NOTCH3: variants seen among roughly 807,000 people sequenced by gnomAD.
NOTCH3 encodes neurogenic locus notch homolog protein 3.
A neutral mutation model predicts 213.3 loss-of-function variants in NOTCH3; 86 were observed. The ratio of observed to expected loss-of-function variants is 0.40; its 90% CI spans 0.34 to 0.48. The LOEUF is 0.48. Ranked by LOEUF, NOTCH3 falls within the 20% of genes least tolerant of loss-of-function variation. The pLI is 0.57. For missense variants in NOTCH3, 2,783 were observed against 3,272.6 expected (o/e 0.85, Z 3.65); for synonymous variants, 1,354 against 1,355.9 (o/e 1.00, Z 0.03).
intron 24 of NOTCH3, 48 bp downstream of exon 24, chr19:15,177,476 AC>A (rs1319402052): frequency 2.6e-6 from 4 of 1,548,690 alleles, no homozygotes; most frequent in Non-Finnish European, 3.5e-6. Flanking sequence ...GGACAAACAG[AC>A]TGGGATGGAT....
At chr19:15,176,332 C>A (rs1351928385) in intron 24 of NOTCH3, among the ~76,000 whole-genome samples, 2 of 151,960 alleles carry the variant, frequency 1.3e-5, no homozygotes, top group Non-Finnish European at 2.9e-5. Flanking sequence ...CCACACCCGG[C>A]TAATTTTGTA....
In NOTCH3 at chr19:15,161,688, G is replaced by A. The variant is rs2046645282; in HGVS notation, c.5940C>T (p.Ala1980=). 1 of 1,613,904 alleles carries A rather than the reference G, an allele frequency of 6.2e-7. No homozygotes were observed. Among genetic ancestry groups the A allele is most frequent in the South Asian group, 1.1e-5 (1 of 91,026 alleles). Residue 1980 remains alanine, a synonymous_variant, in exon 33 of 33, where the codon GCC becomes GCT. Coordinates refer to ENST00000263388, the MANE Select transcript of NOTCH3 (RefSeq NM_000435.3). The stretch of plus-strand genomic sequence containing the variant: ...TGGCAGCCTCATAGCTGCCCTCGCG[G>A]GCGGCCAGGAATAGGGGGGTCTCCT... ...SKEETPLFLA[A]REGSYEAAKL...
rs1257835251 is a variant in NOTCH3, at chr19:15,179,097, C to T, written c.3646G>A (p.Ala1216Thr). Reference protein sequence around the residue: ...INECRSGACHAAHTRDCLQDP... With the variant: ...INECRSGACHTAHTRDCLQDP... ...TGCAGGCAGTCCCGGGTGTGTGCCGCGTGGCAGGCACCTGAGCGACACTCA... is the reference window on the plus strand; with the variant it reads ...TGCAGGCAGTCCCGGGTGTGTGCCGTGTGGCAGGCACCTGAGCGACACTCA... Residue 1216 changes from alanine (A) to threonine (T), a missense_variant, in exon 22 of 33, where the codon GCG (alanine) becomes ACG (threonine). Coordinates refer to ENST00000263388, the MANE Select transcript of NOTCH3 (RefSeq NM_000435.3). 22 of 1,614,090 alleles carry T rather than the reference C, an allele frequency of 1.4e-5. No homozygotes were observed. The South Asian group carries it at 1.9e-4, about 14-fold the overall frequency.
intron 24 of NOTCH3, among the ~76,000 whole-genome samples, chr19:15,174,684 C>T (rs2046773323): frequency 6.6e-6 from 1 of 152,102 alleles, no homozygotes; most frequent in African/African-American, 2.4e-5. Flanking sequence ...AGCGATTCTC[C>T]CGCCTCAGCC....
At position 15,181,675 on chromosome 19, in the gene NOTCH3, G is replaced by T. The variant is rs1183144753; in HGVS notation, c.2693C>A (p.Pro898Gln). The part of the protein sequence containing the change: ...VDECLSNPCG[P>Q]GTCTDHVASF... ...GGCCACGTGGTCGGTACAGGTGCCC[G>T]GGCCGCAGGGGTTGCTCAGGCACTC... The change falls in exon 17 of 33, where the codon CCG (proline) becomes CAG (glutamine). Residue 898 changes from proline to glutamine, a missense_variant. Around this residue, in one of 6 missense-constraint regions of NOTCH3, gnomAD observed 861 missense variants for 909.1 expected, o/e 0.95. Coordinates refer to ENST00000263388, the MANE Select transcript of NOTCH3 (RefSeq NM_000435.3). The T allele has an allele frequency of 1.3e-6, 2 of 1,555,654 alleles. No individual in the cohort carries two copies. The highest frequency in any genetic ancestry group is 2.4e-5 in the South Asian group (2 of 84,426).
intron 2 of NOTCH3, 58 bp downstream of exon 2, chr19:15,197,442 C>CGCCG: frequency 9.7e-6 from 6 of 620,828 alleles, no homozygotes; most frequent in Non-Finnish European, 1.5e-5. Flanking sequence ...AGACAAATCG[C>CGCCG]CCCTCCCCCC....
chr19:15,191,502 T>C lies in NOTCH3; in HGVS notation c.958A>G (p.Thr320Ala), dbSNP rs2046926401. Residue 320 changes from threonine to alanine, a missense_variant, in exon 6 of 33, where the codon ACA (threonine) becomes GCA (alanine). Thr to Ala is a moderately conservative substitution (Grantham distance 58). Transcript: ENST00000263388. ...SCSQNIDDCA[T>A]AVCFHGATCH... ...GTGGCCCCATGGAAGCACACGGCTGTGGCACAGTCATCGATATTCTGACTG... is the reference window on the plus strand; with the variant it reads ...GTGGCCCCATGGAAGCACACGGCTGCGGCACAGTCATCGATATTCTGACTG... 1 of 1,613,104 alleles carries C rather than the reference T, an allele frequency of 6.2e-7. No individual in the cohort carries two copies. Among genetic ancestry groups the C allele is most frequent in the African/African-American group, 1.3e-5 (1 of 74,940 alleles).
chr19:15,171,375 G>A (rs1338452510), intron 25 of NOTCH3, among the ~76,000 whole-genome samples: 2 of 151,814 alleles, frequency 1.3e-5, no homozygotes, highest in African/African-American at 4.8e-5. Context: ...TTTTTGAGAC[G>A]GTTTCACTCT....
At position 15,197,576 on chromosome 19, in the gene NOTCH3, G is replaced by T. The variant is rs2046978928; in HGVS notation, c.121C>A (p.Pro41Thr). ...CACGGGCTTCCGTCCAGGCAAGGGG[G>T]GGCTGTGTGGGGGTGAAGGAAGGTG... ...LLLAGPGAAA[P>T]PCLDGSPCAN... The change falls in exon 2 of 33, where the codon CCC (proline) becomes ACC (threonine). Residue 41 changes from proline (P) to threonine (T), a missense_variant and splice_region_variant. Coordinates refer to ENST00000263388, the MANE Select transcript of NOTCH3 (RefSeq NM_000435.3). 1.9e-6 allele frequency: 3 copies of T among 1,611,414 alleles called. No individual in the cohort carries two copies. The highest frequency in any genetic ancestry group is 4.5e-5 in the East Asian group (2 of 44,868).
At chr19:15,187,378 G>T in intron 10 of NOTCH3, 40 bp from the exon 11 acceptor site, 1 of 1,580,902 alleles carries the variant, frequency 6.3e-7, no homozygotes. Context: ...CACTTGCCAG[G>T]GGCCTGCCCA....
intron 25 of NOTCH3, among the ~76,000 whole-genome samples, chr19:15,173,437 A>AAT (rs1225952139): frequency 6.8e-6 from 1 of 147,766 alleles, no homozygotes; most frequent in African/African-American, 2.5e-5. Context: ...AAAAAAAAAA[A>AAT]AAAAAGAGAG....
chr19:15,189,622 G>T (rs2046912810), intron 6 of NOTCH3, among the ~76,000 whole-genome samples, 194 bp from the exon 7 acceptor site: 1 of 152,136 alleles, frequency 6.6e-6, no homozygotes, highest in Non-Finnish European at 1.5e-5. Context: ...AGGTTCAAGC[G>T]ATTCTCCTGC....
rs1251282986 is a variant in NOTCH3 at position 15,184,311 on chromosome 19, GA to G, written c.2549del (p.Ile850ThrfsTer10). ...TGCACTCACTGGGGTCACAGTCATT[GA>G]TGTCCTGATCGCAGGAAGGGCCAGT... ...GYTGPSCDQD[I>X]NDCDPNPCLN... On this transcript the variant is annotated frameshift_variant, in exon 16 of 33. Coordinates refer to ENST00000263388, the MANE Select transcript of NOTCH3 (RefSeq NM_000435.3). LOFTEE classifies it high-confidence loss of function. The G allele has an allele frequency of 1.2e-6, 2 of 1,613,856 alleles. No individual in the cohort carries two copies. The highest frequency in any genetic ancestry group is 1.7e-6 in the Non-Finnish European group (2 of 1,180,012).
intron 20 of NOTCH3, 149 bp from the exon 21 acceptor site, chr19:15,179,645 G>A (rs1244922120): frequency 1.2e-6 from 1 of 812,478 alleles, no homozygotes; most frequent in South Asian, 1.5e-5. Context: ...ACTTTGGGAG[G>A]CCGAGGTGGG....
At chr19:15,189,211 G>T (rs760802268) in intron 7 of NOTCH3, 37 bp from the exon 8 acceptor site, 31 of 1,613,110 alleles carry the variant, frequency 1.9e-5, no homozygotes, top group Non-Finnish European at 2.6e-5. Context: ...GGCGTGGCTG[G>T]CCGGGACCCC....
intron 16 of NOTCH3, among the ~76,000 whole-genome samples, chr19:15,183,834 T>G (rs1055801501): frequency 2.6e-5 from 4 of 151,958 alleles, no homozygotes; most frequent in Admixed American, 2.6e-4. Context: ...GTAGATTGCT[T>G]GAGCCCAGGA....
intron 28 of NOTCH3, 152 bp from the exon 29 acceptor site, chr19:15,167,563 T>TTTGC: frequency 1.7e-6 from 1 of 600,204 alleles, no homozygotes; most frequent in Non-Finnish European, 2.6e-6. Context: ...TGGTGTTTTA[T>TTTGC]TTGTTTTTGA....
Position 15,177,971 on chromosome 19 carries a change from C to G in NOTCH3, c.3957G>C (p.Leu1319Phe). 1.5e-6 allele frequency: 2 copies of G among 1,366,752 alleles called. No individual in the cohort carries two copies. The highest frequency in any genetic ancestry group is 1.9e-6 in the Non-Finnish European group (2 of 1,060,902). The allele number at this position is 1,366,752 out of a possible 1,614,324, so 84.7% of individuals were successfully genotyped here. A position where few individuals can be genotyped will look rare whatever the true frequency, so the allele number is the denominator to read the frequency against. The change falls in exon 24 of 33, where the codon TTG becomes TTC. Residue 1319 changes from leucine to phenylalanine, a missense_variant. Around this residue, in one of 6 missense-constraint regions of NOTCH3, gnomAD observed 133 missense variants for 201.9 expected, o/e 0.66. Transcript: ENST00000263388. The part of the protein sequence containing the change: ...RGPRCACPPG[L>F]SGPSCRSFPG... ...GGAAGCTGCGGCAGGAGGGTCCCGA[C>G]AACCCTGGGGGGCAGGCGCAGCGCG...
Position 15,177,982 on chromosome 19 carries a change from G to GGCAGGC in NOTCH3, c.3940_3945dup (p.Ala1314_Cys1315dup), listed in dbSNP as rs2046806559. 7.0e-7 allele frequency: 1 copy of GGCAGGC among 1,429,766 alleles called. No homozygotes were observed. The highest frequency in any genetic ancestry group is 1.5e-5 in the African/African-American group (1 of 67,452). The allele number at this position is 1,429,766 out of a possible 1,614,324, so 88.6% of individuals were successfully genotyped here. On this transcript the variant is annotated inframe_insertion, in exon 24 of 33. Transcript: ENST00000263388. The stretch of plus-strand genomic sequence containing the variant: ...CAGGAGGGTCCCGACAACCCTGGGG[G>GGCAGGC]GCAGGCGCAGCGCGGCCCGCGGGGC...
Sources: allele counts gnomAD v4.1 joint callset (sites outside exome capture counted in the v4.1 genomes callset), GRCh38; gene constraint gnomAD v4.1.1; regional missense constraint gnomAD v4.1.1; transcripts MANE v1.5; gene names NCBI Gene and HGNC (gene_info 2026-07-23, HGNC 2026-07-21).